The following SLC6A5 variants were observed in gnomAD, a reference collection of about 807,000 sequenced individuals.
The protein encoded by SLC6A5 is solute carrier family 6 member 5, also known as sodium- and chloride-dependent glycine transporter 2.
A neutral mutation model predicts 90.5 loss-of-function variants in SLC6A5; 58 were observed. The ratio of observed to expected loss-of-function variants is 0.64; its 90% confidence interval spans 0.52 to 0.80. The LOEUF (loss-of-function observed/expected upper bound fraction) is 0.80. Among genes scored for constraint, SLC6A5 ranks in the 30% least tolerant of loss-of-function variants. SLC6A5 has a pLI of 0.00. For synonymous variants in SLC6A5, 427 were observed against 401.4 expected, an observed-to-expected ratio of 1.06 and a Z score of -0.76; for missense variants, 1,015 against 1,017.6, an observed-to-expected ratio of 1.00 and a Z score of 0.03.
intron 5 of SLC6A5, among the ~76,000 whole-genome samples, chr11:20,609,978 G>A (rs2133778860): frequency 6.6e-6 from 1 of 152,292 alleles, no homozygotes; most frequent in Admixed American, 6.5e-5. Context: ...TGAGACCAGC[G>A]GCTTTACGTG....
chr11:20,616,517 A>G (rs1488436429), intron 6 of SLC6A5, among the ~76,000 whole-genome samples: 1 of 152,214 alleles, frequency 6.6e-6, no homozygotes, highest in Non-Finnish European at 1.5e-5. Context: ...GAGGTCCTAC[A>G]ATTGAAGCAT....
Position 20,638,344 on chromosome 11 carries a change from G to GA in SLC6A5, c.1870-114dup, listed in dbSNP as rs534822741. The GA allele has an allele frequency of 4.5e-4, 338 of 746,566 alleles. 4 individuals carry two copies. Among genetic ancestry groups the GA allele is most frequent in the Middle Eastern group, 2.8e-3 (8 of 2,878 alleles). 46.2% of individuals were successfully genotyped at this position (746,566 alleles called of 1,614,324 possible). On this transcript the variant is annotated intron_variant, in intron 12 of 15. Coordinates refer to ENST00000525748, the MANE Select transcript of SLC6A5 (RefSeq NM_004211.5). ...CTACTGAGAGGAGGGGAGATGCATG[G>GA]ACTCCTGTTTGCACCTGACTCTTTT...
rs1258434406 is a variant in SLC6A5 at position 20,630,820 on chromosome 11, A to G, written c.1624+5A>G. The stretch of plus-strand genomic sequence containing the variant: ...TTGAGAATGTGGCAGACCAAGGTAC[A>G]GGACAGTTGTTACCCTGCTGTTGCA... On this transcript the variant is annotated splice_donor_5th_base_variant and intron_variant, in intron 10 of 15. Transcript: ENST00000525748. 1.2e-6 allele frequency: 2 copies of G among 1,614,156 alleles called. No homozygotes were observed. Among genetic ancestry groups the G allele is most frequent in the Admixed American group, 1.7e-5 (1 of 60,028 alleles).
chr11:20,602,934 G>T (rs1286953229), intron 2 of SLC6A5, among the ~76,000 whole-genome samples: 1 of 152,242 alleles, frequency 6.6e-6, no homozygotes, highest in Non-Finnish European at 1.5e-5. Context: ...TGCGGCAGAA[G>T]GAGCTGGAAC....
intron 14 of SLC6A5, among the ~76,000 whole-genome samples, chr11:20,648,754 G>T (rs769899393): frequency 6.6e-5 from 10 of 152,134 alleles, no homozygotes; most frequent in Non-Finnish European, 1.2e-4. Context: ...CACCCCAAAA[G>T]ATACTGTGCT....
Position 20,626,720 on chromosome 11 carries a change from A to G in SLC6A5, c.1273A>G (p.Thr425Ala). The G allele has an allele frequency of 6.2e-7, 1 of 1,613,736 alleles. No individual in the cohort carries two copies. The highest frequency in any genetic ancestry group is 8.5e-7 in the Non-Finnish European group (1 of 1,179,890). The change falls in exon 8 of 16, where the codon ACG becomes GCG. Residue 425 changes from threonine (T) to alanine (A), a missense_variant. By Grantham distance (58) the Thr-to-Ala change is moderately conservative. Coordinates refer to ENST00000525748, the MANE Select transcript of SLC6A5 (RefSeq NM_004211.5). ...IKTSGKVVYF[T>A]ATFPYVVLVI... ...ATGGCTTTTCTAGGTGGTGTACTTC[A>G]CGGCCACGTTCCCGTATGTCGTACT...
At chr11:20,639,352 C>T (rs1196801957) in intron 13 of SLC6A5, among the ~76,000 whole-genome samples, 1 of 152,060 alleles carries the variant, frequency 6.6e-6, no homozygotes, top group Non-Finnish European at 1.5e-5. Context: ...TATATAAGGC[C>T]ACCATAGCAA....
rs535024017 is a variant in SLC6A5 at position 20,647,709 on chromosome 11, G to A, written c.2070+775G>A. On this transcript the variant is annotated intron_variant, in intron 14 of 15. Coordinates refer to ENST00000525748, the MANE Select transcript of SLC6A5 (RefSeq NM_004211.5). ...ATCTCCACTTTACAGATGAGGAAAC[G>A]GAAGCCCAGAGTTGATGTGACTTGC... 7.2e-5 allele frequency among the ~76,000 whole-genome samples: 11 copies of A among 152,154 alleles called. No homozygotes were observed. The South Asian group carries it at 2.1e-3, about 29-fold the overall frequency.
rs755128309 is a variant in SLC6A5, at chr11:20,614,812, G to C, written c.1119G>C (p.Glu373Asp). ...ANKTFVSGSE[E>D]YFKYFVLKIS... ...AGACATTTGTCAGTGGAAGTGAAGAGTACTTCAAGTAAGATGACTTTCTTT... is the reference window on the plus strand; with the variant it reads ...AGACATTTGTCAGTGGAAGTGAAGACTACTTCAAGTAAGATGACTTTCTTT... Residue 373 changes from glutamate (E) to aspartate (D), a missense_variant, in exon 6 of 16, where the codon GAG (glutamate) becomes GAC (aspartate). Coordinates refer to ENST00000525748, the MANE Select transcript of SLC6A5 (RefSeq NM_004211.5). 6.2e-7 allele frequency: 1 copy of C among 1,613,136 alleles called. No individual in the cohort carries two copies. The highest frequency in any genetic ancestry group is 1.1e-5 in the South Asian group (1 of 91,064).
chr11:20,636,483 C>T, intron 11 of SLC6A5, 64 bp downstream of exon 11: 1 of 1,009,956 alleles, frequency 9.9e-7, no homozygotes, highest in Non-Finnish European at 1.6e-6. Flanking sequence ...TCTCCTGGGT[C>T]CTGGGTTCAC....
At chr11:20,608,433 A>G (rs1852624626) in intron 5 of SLC6A5, among the ~76,000 whole-genome samples, 2 of 152,298 alleles carry the variant, frequency 1.3e-5, no homozygotes, top group South Asian at 2.1e-4. Context: ...GACTGTATGT[A>G]TGTCTGGGTC....
At position 20,617,868 on chromosome 11, in the gene SLC6A5, T is replaced by C. The variant is rs781525249; in HGVS notation, c.1244T>C (p.Ile415Thr). ...GTGTATGCATCATTGGCTAAAGGAA[T>C]CAAGACTTCAGGAAAAGTAAGCACT... ...VIVYASLAKG[I>T]KTSGKVVYFT... The change falls in exon 7 of 16, where the codon ATC becomes ACC. Residue 415 changes from isoleucine to threonine, a missense_variant. By Grantham distance (89) the Ile-to-Thr change is moderately conservative. This residue lies in a region of SLC6A5 where 442 missense variants were observed against 494.3 expected (regional missense o/e 0.89). Coordinates refer to ENST00000525748, the MANE Select transcript of SLC6A5 (RefSeq NM_004211.5). 3.1e-6 allele frequency: 5 copies of C among 1,613,834 alleles called. No individual in the cohort carries two copies. The highest frequency in any genetic ancestry group is 4.2e-6 in the Non-Finnish European group (5 of 1,179,902).
intron 10 of SLC6A5, among the ~76,000 whole-genome samples, chr11:20,633,921 G>T (rs1302916760): frequency 6.6e-6 from 1 of 152,126 alleles, no homozygotes; most frequent in Non-Finnish European, 1.5e-5. Context: ...ACCCAGGCTG[G>T]AGTGCAGTGG....
At position 20,607,502 on chromosome 11, in the gene SLC6A5, A is replaced by G. The variant is rs763270849; in HGVS notation, c.835A>G (p.Ile279Val). Residue 279 changes from isoleucine to valine, a missense_variant, in exon 5 of 16, where the codon ATC (isoleucine) becomes GTC (valine). By Grantham distance (29) the Ile-to-Val change is conservative. This residue lies in a region of SLC6A5 where 567 missense variants were observed against 507.3 expected (regional missense o/e 1.12). Transcript: ENST00000525748. ...LQGCGIAMLI[I>V]SVLIAIYYNV... ...AGGCTGTGGCATCGCGATGCTGATC[A>G]TCTCTGTCCTAATAGCCATATACTA... 1 of 1,614,170 alleles carries G rather than the reference A, an allele frequency of 6.2e-7. No homozygotes were observed. Among genetic ancestry groups the G allele is most frequent in the Non-Finnish European group, 8.5e-7 (1 of 1,180,030 alleles).
At chr11:20,647,591 C>T (rs529321997) in intron 14 of SLC6A5, among the ~76,000 whole-genome samples, 4 of 151,956 alleles carry the variant, frequency 2.6e-5, no homozygotes, top group South Asian at 4.1e-4. Flanking sequence ...ACGTTTTCCA[C>T]GTGCTAATTT....
At chr11:20,629,017 T>C (rs967934258) in intron 9 of SLC6A5, among the ~76,000 whole-genome samples, 1 of 152,186 alleles carries the variant, frequency 6.6e-6, no homozygotes, top group Admixed American at 6.5e-5. Context: ...GACTCATTGC[T>C]GCCATTTCAA....
intron 15 of SLC6A5, among the ~76,000 whole-genome samples, chr11:20,654,283 T>G (rs541351856): frequency 1.3e-5 from 2 of 152,328 alleles, no homozygotes; most frequent in South Asian, 4.1e-4. Context: ...ATTATTTAGA[T>G]GTAGCAATCC....
intron 13 of SLC6A5, among the ~76,000 whole-genome samples, chr11:20,640,082 C>T (rs1259505647): frequency 6.6e-6 from 1 of 152,202 alleles, no homozygotes; most frequent in African/African-American, 2.4e-5. Context: ...AAACCAAAGA[C>T]CTTGCCAGGA....
rs1382642482 is a variant in SLC6A5 at position 20,607,056 on chromosome 11, C to T, written c.729C>T (p.Pro243=). ...YLMMLALAGL[P]IFFLEVSLGQ... is the part of the protein sequence containing the mutation. Reference sequence around the variant, plus strand: ...TGATGCTGGCTCTGGCTGGATTACCCATCTTCTTCTTGGAGGTGTCGCTGG... The same window carrying T: ...TGATGCTGGCTCTGGCTGGATTACCTATCTTCTTCTTGGAGGTGTCGCTGG... Residue 243 remains proline (P), a synonymous_variant, in exon 4 of 16, where the codon CCC becomes CCT. Transcript: ENST00000525748. The T allele has an allele frequency of 3.7e-6, 6 of 1,614,100 alleles. No individual in the cohort carries two copies. Among genetic ancestry groups the T allele is most frequent in the Non-Finnish European group, 5.1e-6 (6 of 1,180,022 alleles).
Sources: allele counts gnomAD v4.1 joint callset (sites outside exome capture counted in the v4.1 genomes callset), GRCh38; gene constraint gnomAD v4.1.1; regional missense constraint gnomAD v4.1.1; transcripts MANE v1.5; gene names NCBI Gene and HGNC (gene_info 2026-07-23, HGNC 2026-07-21).